ARHGEF3: variants seen among roughly 807,000 people sequenced by gnomAD.
The protein encoded by ARHGEF3 is Rho guanine nucleotide exchange factor 3.
Under a neutral mutation model 63.2 loss-of-function variants are expected in ARHGEF3, and 28 were observed. The ratio of observed to expected loss-of-function variants is 0.44; its 90% CI spans 0.33 to 0.61. The LOEUF is 0.61. ARHGEF3 is among the 20% of genes least tolerant of loss of function. The pLI is 0.03. For synonymous variants in ARHGEF3, 266 were observed against 254.2 expected, an observed-to-expected ratio of 1.05 and a Z score of -0.44; for missense variants, 533 against 659.3, an observed-to-expected ratio of 0.81 and a Z score of 2.10.
chr3:56,970,808 A>G (rs1404441078), intron 2 of ARHGEF3, among the ~76,000 whole-genome samples: 1 of 152,240 alleles, frequency 6.6e-6, no homozygotes, highest in Non-Finnish European at 1.5e-5. Context: ...GGCTTCGCCC[A>G]GTAGTTAAGA....
intron 1 of ARHGEF3, among the ~76,000 whole-genome samples, chr3:57,052,300 C>T (rs953563172): frequency 6.6e-6 from 1 of 152,054 alleles, no homozygotes; most frequent in African/African-American, 2.4e-5. Context: ...CCAGAGCCTA[C>T]ATTCTTTTCT....
At chr3:56,810,003 C>G (rs1454018128) in intron 4 of ARHGEF3, among the ~76,000 whole-genome samples, 1 of 152,096 alleles carries the variant, frequency 6.6e-6, no homozygotes, top group Non-Finnish European at 1.5e-5. Flanking sequence ...AAAGGGATTA[C>G]AGACGTCAGC....
intron 2 of ARHGEF3, among the ~76,000 whole-genome samples, chr3:57,028,853 T>C (rs1292787185): frequency 6.6e-6 from 1 of 152,030 alleles, no homozygotes; most frequent in African/African-American, 2.4e-5. Flanking sequence ...GGCATTATAA[T>C]TTGCTGTGTA....
At chr3:56,968,151 TAA>T (rs1177062312) in intron 2 of ARHGEF3, among the ~76,000 whole-genome samples, 62 of 31,102 alleles carry the variant, frequency 2.0e-3, no homozygotes, top group East Asian at 8.3e-3. Flanking sequence ...ATAATATATA[TAA>T]AAATATATAT....
intron 3 of ARHGEF3, among the ~76,000 whole-genome samples, chr3:56,926,719 C>T (rs765730770): frequency 2.0e-5 from 3 of 152,252 alleles, no homozygotes; most frequent in Non-Finnish European, 4.4e-5. Flanking sequence ...GATTTTACAA[C>T]TCCAATCACC....
At chr3:56,945,613 G>A (rs1269519818) in intron 3 of ARHGEF3, among the ~76,000 whole-genome samples, 1 of 152,314 alleles carries the variant, frequency 6.6e-6, no homozygotes, top group East Asian at 1.9e-4. Flanking sequence ...GCTTGAGTAG[G>A]TAAACAAAGC....
At chr3:56,850,250 T>C (rs2039630782) in intron 4 of ARHGEF3, among the ~76,000 whole-genome samples, 1 of 152,230 alleles carries the variant, frequency 6.6e-6, no homozygotes, top group African/African-American at 2.4e-5. Flanking sequence ...TATTTGGGTC[T>C]GGACACGGTG....
At chr3:56,759,089 A>G (rs905504682) in intron 2 of ARHGEF3, among the ~76,000 whole-genome samples, 3 of 152,082 alleles carry the variant, frequency 2.0e-5, no homozygotes, top group Admixed American at 6.5e-5. Flanking sequence ...CCCCAAGTCT[A>G]TCTCCTAGAA....
intron 1 of ARHGEF3, among the ~76,000 whole-genome samples, chr3:57,046,797 C>A (rs929669713): frequency 6.6e-6 from 1 of 152,120 alleles, no homozygotes; most frequent in African/African-American, 2.4e-5. Flanking sequence ...TACAGGGAGT[C>A]CAGCAGATTC....
In ARHGEF3 at chr3:57,014,367, C is replaced by T. The variant is rs565244079; in HGVS notation, c.62+20721G>A. On this transcript the variant is annotated intron_variant, in intron 2 of 12. Transcript: ENST00000338458. ...GTGCACAGCCTTAACCACTACAGCA[C>T]CTTCCTTCCAAACCACGCCCCTTCC... Among the ~76,000 whole-genome samples the T allele has an allele frequency of 1.3e-3, 201 of 152,276 alleles. 1 individual carries two copies. Among genetic ancestry groups the T allele is most frequent in the African/African-American group, 4.6e-3 (190 of 41,546 alleles).
rs151083312 is a variant in ARHGEF3, at chr3:56,929,434, C to T, written c.129+29389G>A. On this transcript the variant is annotated intron_variant, in intron 3 of 12. Coordinates refer to the ARHGEF3 transcript ENST00000338458. Reference sequence around the variant, plus strand: ...GTATCTGCAACCTGAATCTAGACCACCCTAAAAATCGGAATGTTTCTCAAA... The same window carrying T: ...GTATCTGCAACCTGAATCTAGACCATCCTAAAAATCGGAATGTTTCTCAAA... Among the ~76,000 whole-genome samples the T allele has an allele frequency of 1.7e-3, 265 of 152,282 alleles. 7 individuals carry two copies. The East Asian group carries it at 0.047, about 27-fold the overall frequency.
intron 4 of ARHGEF3, among the ~76,000 whole-genome samples, chr3:56,844,863 AT>A (rs1341059293): frequency 6.6e-6 from 1 of 152,216 alleles, no homozygotes; most frequent in Non-Finnish European, 1.5e-5. Context: ...TAGGGCCAGA[AT>A]AGGCTGGCAT....
chr3:56,813,803 G>A (rs1566487), intron 4 of ARHGEF3, among the ~76,000 whole-genome samples: 101,712 of 151,890 alleles, frequency 0.67, 34,375 homozygotes, highest in East Asian at 0.88. Flanking sequence ...GTGCCATCAC[G>A]TTTCCTGAGT....
chr3:56,731,896 T>C (rs1373042985), intron 9 of ARHGEF3: 4 of 477,676 alleles, frequency 8.4e-6, no homozygotes, highest in Non-Finnish European at 1.5e-5. Flanking sequence ...CTGGCATCCA[T>C]GTAGGGACTA....
chr3:57,029,529 T>G (rs1275575769), intron 2 of ARHGEF3, among the ~76,000 whole-genome samples: 2 of 152,148 alleles, frequency 1.3e-5, no homozygotes, highest in African/African-American at 4.8e-5. Context: ...TGGGGTGATC[T>G]CTACAGTAGC....
intron 1 of ARHGEF3, among the ~76,000 whole-genome samples, chr3:56,784,369 G>T (rs1460769878): frequency 6.6e-6 from 1 of 152,126 alleles, no homozygotes; most frequent in East Asian, 1.9e-4. Context: ...CTGGAAAATG[G>T]GGCTGGACAT....
intron 1 of ARHGEF3, among the ~76,000 whole-genome samples, chr3:56,796,631 G>C (rs1208020479): frequency 6.6e-6 from 1 of 152,186 alleles, no homozygotes; most frequent in Non-Finnish European, 1.5e-5. Context: ...ATGGGCCTTT[G>C]AGCATCAGGC....
chr3:56,850,138 A>T (rs1314298539), intron 4 of ARHGEF3, among the ~76,000 whole-genome samples: 4 of 152,076 alleles, frequency 2.6e-5, no homozygotes, highest in Non-Finnish European at 1.5e-5. Flanking sequence ...ATCATCCATC[A>T]CATGTAGGTA....
intron 2 of ARHGEF3, among the ~76,000 whole-genome samples, chr3:56,972,234 G>A (rs565191333): frequency 6.6e-6 from 1 of 152,130 alleles, no homozygotes; most frequent in Non-Finnish European, 1.5e-5. Flanking sequence ...AAATTACTTT[G>A]GACAACTTAT....
Sources: gnomAD v4.1 joint callset for allele counts (sites outside exome capture counted in the v4.1 genomes callset) on GRCh38, gnomAD v4.1.1 for gene constraint, MANE v1.5 for transcripts, NCBI Gene and HGNC (gene_info 2026-07-23, HGNC 2026-07-21) for gene names.